SSU72: variants seen among roughly 807,000 people sequenced by gnomAD.
SSU72 encodes the protein RNA polymerase II subunit A C-terminal domain phosphatase SSU72.
SSU72 carries 12 observed loss-of-function variants against 22.7 expected under a neutral mutation model. The observed-to-expected ratio is 0.53, with a 90% CI of 0.34 to 0.86. The LOEUF is 0.86. SSU72 is among the 40% of genes least tolerant of loss of function. SSU72 has a pLI of 0.02. For synonymous variants in SSU72, 116 were observed against 98.3 expected, an observed-to-expected ratio of 1.18 and a Z score of -1.06; for missense variants, 151 against 249.8, an observed-to-expected ratio of 0.60 and a Z score of 2.67.
In SSU72 at chr1:1,548,171, C is replaced by T. The variant is rs1235735814; in HGVS notation, c.225-3169G>A. Among the ~76,000 whole-genome samples, 2 of 152,210 alleles carry T rather than the reference C, an allele frequency of 1.3e-5. 1 individual carries two copies. The highest frequency in any genetic ancestry group is 6.3e-3 in the Middle Eastern group (2 of 316). ...TCCGGCTTTGCACAGTCCCTGCGGCCTCAGGGACCACGTTCAGTAGAGGGC... is the reference window on the plus strand; with the variant it reads ...TCCGGCTTTGCACAGTCCCTGCGGCTTCAGGGACCACGTTCAGTAGAGGGC... On this transcript the variant is annotated intron_variant, in intron 2 of 4. Transcript: ENST00000291386.
At position 1,545,138 on chromosome 1, in the gene SSU72, G is replaced by A; in HGVS notation, c.225-136C>T. 5.8e-6 allele frequency: 6 copies of A among 1,042,518 alleles called. No individual in the cohort carries two copies. The South Asian group carries it at 9.1e-5, about 16-fold the overall frequency. The allele number at this position is 1,042,518 out of a possible 1,614,324, so 64.6% of individuals were successfully genotyped here. A position where few individuals can be genotyped will look rare whatever the true frequency, so the allele number is the denominator to read the frequency against. ...GGGACGAAGGCCTGGACAGCGGAGT[G>A]GGCCATGCCCTGGTGAGGCAGGGGC... On this transcript the variant is annotated intron_variant, in intron 2 of 4. Transcript: ENST00000291386.
chr1:1,543,838 TGCCCAGCGCGGC>T lies in SSU72; in HGVS notation c.483+19_483+30del. 1 of 1,564,352 alleles carries T rather than the reference TGCCCAGCGCGGC, an allele frequency of 6.4e-7. No homozygotes were observed. The highest frequency in any genetic ancestry group is 8.8e-7 in the Non-Finnish European group (1 of 1,138,426). On this transcript the variant is annotated intron_variant, in intron 4 of 4. Transcript: ENST00000291386. ...GGTCACTCCCCTCTGTCACAACCTC[TGCCCAGCGCGGC>T]GCCCAGCCGGGTACTTACACACTGG...
At chr1:1,573,866 C>G (rs1344942565) in intron 1 of SSU72, among the ~76,000 whole-genome samples, 2 of 152,008 alleles carry the variant, frequency 1.3e-5, no homozygotes, top group African/African-American at 2.4e-5. Flanking sequence ...AACTTGTTAT[C>G]AAGCAGGAAT....
At chr1:1,570,268 G>A (rs1363846030) in intron 1 of SSU72, among the ~76,000 whole-genome samples, 1 of 145,564 alleles carries the variant, frequency 6.9e-6, no homozygotes, top group Non-Finnish European at 1.5e-5. Context: ...CTGCACTCCA[G>A]CCTTACTCTG....
chr1:1,558,204 T>TAAA (rs3073299), intron 2 of SSU72, among the ~76,000 whole-genome samples: 2 of 126,252 alleles, frequency 1.6e-5, no homozygotes, highest in African/African-American at 3.2e-5. Context: ...CTGTCTCAAT[T>TAAA]AAAAAAAAAA....
chr1:1,560,356 G>A lies in SSU72; in HGVS notation c.224+4417C>T, dbSNP rs1234190021. Among the ~76,000 whole-genome samples, 4 of 151,780 alleles carry A rather than the reference G, an allele frequency of 2.6e-5. No individual in the cohort carries two copies. In the East Asian group the frequency reaches 7.7e-4, roughly 29 times the overall value. The stretch of plus-strand genomic sequence containing the variant: ...AGATAGAGGCTTGCTATGCTGCCCA[G>A]GCTGGCCTCCGGCTCCTGGGCTCAA... On this transcript the variant is annotated intron_variant, in intron 2 of 4. Transcript: ENST00000291386.
chr1:1,573,635 G>C (rs201573670), intron 1 of SSU72, among the ~76,000 whole-genome samples: 1 of 151,632 alleles, frequency 6.6e-6, no homozygotes, highest in African/African-American at 2.4e-5. Context: ...TGTTAAAAAC[G>C]GAAAAAAAAG....
chr1:1,560,757 T>C (rs547537711), intron 2 of SSU72: 1 of 151,872 alleles, frequency 6.6e-6, no homozygotes, highest in South Asian at 2.1e-4. Flanking sequence ...AAGGCCAACA[T>C]GTGAGGATCA....
At chr1:1,546,076 G>T (rs1322777647) in intron 2 of SSU72, 1 of 152,198 alleles carries the variant, frequency 6.6e-6, no homozygotes, top group East Asian at 1.9e-4. Context: ...GGCCTCAGGG[G>T]TTCCCAAGGA....
intron 2 of SSU72, chr1:1,545,374 CCTT>C: frequency 4.1e-6 from 1 of 243,572 alleles, no homozygotes; most frequent in Non-Finnish European, 8.1e-6. Flanking sequence ...GCAGTCGGAT[CCTT>C]CTTCCTCCCT....
intron 2 of SSU72, chr1:1,561,712 A>G (rs1442609926): frequency 1.3e-5 from 2 of 152,240 alleles, no homozygotes; most frequent in African/African-American, 4.8e-5. Context: ...CATCATGTGC[A>G]AGAGCTTTAG....
At chr1:1,559,419 A>C (rs1464893290) in intron 2 of SSU72, among the ~76,000 whole-genome samples, 1 of 152,216 alleles carries the variant, frequency 6.6e-6, no homozygotes, top group Non-Finnish European at 1.5e-5. Context: ...AGAACTGGAC[A>C]CGCGACTCAG....
intron 1 of SSU72, among the ~76,000 whole-genome samples, chr1:1,567,493 A>G (rs184581030): frequency 0.014 from 2,083 of 152,320 alleles, 27 homozygotes; most frequent in Middle Eastern, 0.054. Flanking sequence ...TCATAACCAC[A>G]GATCCTGACG....
At chr1:1,566,082 C>T (rs910333813) in intron 1 of SSU72, among the ~76,000 whole-genome samples, 22 of 150,986 alleles carry the variant, frequency 1.5e-4, no homozygotes, top group Non-Finnish European at 2.2e-4. Context: ...GAGGCGAAAC[C>T]CCAGCTCCGT....
intron 2 of SSU72, among the ~76,000 whole-genome samples, chr1:1,555,189 A>AGGTCAGAG (rs1642506896): frequency 6.6e-6 from 1 of 152,102 alleles, no homozygotes; most frequent in Admixed American, 6.6e-5. Flanking sequence ...ATCAGAGGGG[A>AGGTCAGAG]GGTCAGAGGT....
rs1042574099 is a variant in SSU72, at chr1:1,574,407, G to C, written c.80+71C>G. ...CTCTCAGGGGTCCTGGCGCGGGCCA[G>C]GGGGAACCGGGGAGGAGGGAGGGCC... is the stretch of plus-strand genomic sequence containing the variant. On this transcript the variant is annotated intron_variant, in intron 1 of 4. Transcript: ENST00000291386. 38 of 1,496,182 alleles carry C rather than the reference G, an allele frequency of 2.5e-5. No homozygotes were observed. The African/African-American group carries it at 4.5e-4, about 18-fold the overall frequency. The allele number at this position is 1,496,182 out of a possible 1,614,324, so 92.7% of individuals were successfully genotyped here.
chr1:1,564,553 C>T (rs768531760), intron 2 of SSU72: 12 of 1,568,456 alleles, frequency 7.7e-6, no homozygotes, highest in South Asian at 3.5e-5. Context: ...AACCCCACAC[C>T]GTGTCTGTGC....
rs184684590 is a variant in SSU72 at position 1,548,919 on chromosome 1, T to A, written c.225-3917A>T. On this transcript the variant is annotated intron_variant, in intron 2 of 4. Coordinates refer to ENST00000291386, the MANE Select transcript of SSU72 (RefSeq NM_014188.3). ...GTCACTCCCGTCCCACAGTGACGTCTGGAACCCTCCCCCGGTGTGTGGCTG... is the reference window on the plus strand; with the variant it reads ...GTCACTCCCGTCCCACAGTGACGTCAGGAACCCTCCCCCGGTGTGTGGCTG... 1.5e-3 allele frequency among the ~76,000 whole-genome samples: 228 copies of A among 152,340 alleles called. 1 individual carries two copies. The highest frequency in any genetic ancestry group is 5.0e-3 in the African/African-American group (208 of 41,580).
At position 1,574,651 on chromosome 1, in the gene SSU72, A is replaced by C; in HGVS notation, c.-94T>G. 2.4e-6 allele frequency: 3 copies of C among 1,256,134 alleles called. No homozygotes were observed. Among genetic ancestry groups the C allele is most frequent in the Non-Finnish European group, 2.1e-6 (2 of 961,184 alleles). The allele number at this position is 1,256,134 out of a possible 1,614,324, so 77.8% of individuals were successfully genotyped here. On this transcript the variant is annotated 5_prime_UTR_variant, in exon 1 of 5. Transcript: ENST00000291386. ...CAAAATGGCGGCCGCGGTGGCCGGAAGCGGGCGACGCGAAACGACGGCGCC... is the reference window on the plus strand; with the variant it reads ...CAAAATGGCGGCCGCGGTGGCCGGACGCGGGCGACGCGAAACGACGGCGCC...
Sources: gnomAD v4.1 joint callset for allele counts (sites outside exome capture counted in the v4.1 genomes callset) on GRCh38, gnomAD v4.1.1 for gene constraint, MANE v1.5 for transcripts, NCBI Gene and HGNC (gene_info 2026-07-23, HGNC 2026-07-21) for gene names.